STN1: variants seen among roughly 807,000 people sequenced by gnomAD.
The protein encoded by STN1 is CST complex subunit STN1.
Under a neutral mutation model 45.5 loss-of-function variants are expected in STN1, and 29 were observed. The ratio of observed to expected loss-of-function variants is 0.64; its 90% CI spans 0.47 to 0.87. The LOEUF (loss-of-function observed/expected upper bound fraction) is 0.87, where lower values mean the gene tolerates loss of function less well. Among genes scored for constraint, STN1 ranks in the 40% least tolerant of loss-of-function variants. The pLI, the probability that STN1 is intolerant of heterozygous loss-of-function variation, is 0.00. For missense variants in STN1, 376 were observed against 441.4 expected (o/e 0.85, Z 1.33); for synonymous variants, 148 against 159.0 (o/e 0.93, Z 0.52).
chr10:103,909,458 A>ATATGTG lies in STN1; in HGVS notation c.229+1068_229+1069insCACATA, dbSNP rs1220151249. On this transcript the variant is annotated intron_variant, in intron 3 of 9. Coordinates refer to ENST00000224950, the MANE Select transcript of STN1 (RefSeq NM_024928.5). ...TGTATATATATGTATATATGTATATATGTATATATATGTATATATGTATAT... is the reference window on the plus strand; with the variant it reads ...TGTATATATATGTATATATGTATATATATGTGTGTATATATATGTATATATGTATAT... 6.2e-4 allele frequency among the ~76,000 whole-genome samples: 66 copies of ATATGTG among 106,986 alleles called. 4 individuals are homozygous for ATATGTG. The highest frequency in any genetic ancestry group is 9.0e-4 in the Admixed American group (8 of 8,876). The allele number at this position is 106,986 out of a possible 152,430, so 70.2% of individuals were successfully genotyped here. A position where few individuals can be genotyped will look rare whatever the true frequency, so the allele number is the denominator to read the frequency against.
intron 2 of STN1, among the ~76,000 whole-genome samples, chr10:103,914,365 TATA>T (rs1310325556): frequency 0.041 from 619 of 15,270 alleles, 26 homozygotes; most frequent in African/African-American, 0.097. Context: ...TATATATATA[TATA>T]TATATATTTT....
intron 2 of STN1, among the ~76,000 whole-genome samples, chr10:103,915,355 T>C (rs1843324358): frequency 6.6e-6 from 1 of 152,138 alleles, no homozygotes; most frequent in African/African-American, 2.4e-5. Context: ...AATTGAACAG[T>C]TGGTCTTTTA....
chr10:103,886,789 T>G (rs556557685), intron 9 of STN1, among the ~76,000 whole-genome samples: 1 of 152,260 alleles, frequency 6.6e-6, no homozygotes, highest in South Asian at 2.1e-4. Flanking sequence ...ACCCATCTTG[T>G]AGGTACTATT....
At chr10:103,894,680 T>C (rs1257285600) in intron 7 of STN1, among the ~76,000 whole-genome samples, 1 of 148,502 alleles carries the variant, frequency 6.7e-6, no homozygotes, top group Non-Finnish European at 1.5e-5. Context: ...GAAACCGAAA[T>C]TGCTCACAGG....
In STN1 at chr10:103,910,586, A is replaced by G; in HGVS notation, c.170T>C (p.Val57Ala). The G allele has an allele frequency of 6.2e-7, 1 of 1,610,916 alleles. No homozygotes were observed. Among genetic ancestry groups the G allele is most frequent in the Non-Finnish European group, 8.5e-7 (1 of 1,177,486 alleles). ...TCCAATGACAGTTCCCAAGACATCTACCTGTTTTATTGGATGTCCATTGTA... is the reference window on the plus strand; with the variant it reads ...TCCAATGACAGTTCCCAAGACATCTGCCTGTTTTATTGGATGTCCATTGTA... The part of the protein sequence containing the change: ...FLYNGHPIKQ[V>A]DVLGTVIGVR... The change falls in exon 3 of 10, where the codon GTA (valine) becomes GCA (alanine). Residue 57 changes from valine (V) to alanine (A), a missense_variant. Physicochemically the swap from Val to Ala is moderately conservative, Grantham distance 64 (BLOSUM62 0). Transcript: ENST00000224950.
intron 7 of STN1, among the ~76,000 whole-genome samples, chr10:103,896,372 T>C (rs980355249): frequency 1.3e-5 from 2 of 151,964 alleles, no homozygotes; most frequent in African/African-American, 4.8e-5. Context: ...AGGGGCCACG[T>C]GGCAATCAGA....
At chr10:103,914,632 C>G (rs1306852573) in intron 2 of STN1, among the ~76,000 whole-genome samples, 2 of 151,388 alleles carry the variant, frequency 1.3e-5, no homozygotes, top group Non-Finnish European at 2.9e-5. Context: ...GGATTACAGG[C>G]ATGAGCCACT....
At chr10:103,899,065 C>T (rs1214411691) in intron 5 of STN1, 65 bp from the exon 6 acceptor site, 2 of 1,563,024 alleles carry the variant, frequency 1.3e-6, no homozygotes, top group African/African-American at 2.7e-5. Flanking sequence ...AATTCTTTCC[C>T]AGGCCCAAAC....
At chr10:103,889,023 T>C (rs1843121042) in intron 9 of STN1, 49 bp downstream of exon 9, 1 of 1,304,436 alleles carries the variant, frequency 7.7e-7, no homozygotes, top group Non-Finnish European at 1.1e-6. Flanking sequence ...CGGGAGACAG[T>C]ATCCCCTTCC....
At chr10:103,898,845 C>G (rs1564633277) in intron 6 of STN1, 32 bp downstream of exon 6, 3 of 1,611,814 alleles carry the variant, frequency 1.9e-6, no homozygotes, top group Admixed American at 1.7e-5. Context: ...CTGCCGTGGT[C>G]ACGTGCTCAG....
chr10:103,882,999 A>G (rs540818055), intron 9 of STN1, among the ~76,000 whole-genome samples, 158 bp from the exon 10 acceptor site: 2 of 152,358 alleles, frequency 1.3e-5, no homozygotes, highest in Non-Finnish European at 2.9e-5. Context: ...TCACAAAAAC[A>G]AAACAGAAAC....
At chr10:103,908,480 G>T (rs919400883) in intron 3 of STN1, among the ~76,000 whole-genome samples, 2 of 152,204 alleles carry the variant, frequency 1.3e-5, no homozygotes, top group African/African-American at 4.8e-5. Flanking sequence ...ACAGGCCTGC[G>T]GTGAGTCAGG....
chr10:103,917,946 A>C (rs1843345845), intron 1 of STN1, among the ~76,000 whole-genome samples, 154 bp downstream of exon 1: 1 of 152,238 alleles, frequency 6.6e-6, no homozygotes, highest in Non-Finnish European at 1.5e-5. Context: ...GCGTAGCAGA[A>C]ACCGCTTGGG....
intron 4 of STN1, among the ~76,000 whole-genome samples, 170 bp downstream of exon 4, chr10:103,904,921 G>C (rs1427229617): frequency 1.3e-5 from 2 of 152,208 alleles, no homozygotes; most frequent in African/African-American, 4.8e-5. Flanking sequence ...CTCTCCTATG[G>C]CATCAGTTTT....
chr10:103,882,835 T>A lies in STN1; in HGVS notation c.956A>T (p.Glu319Val), dbSNP rs1843079454. 1 of 1,611,008 alleles carries A rather than the reference T, an allele frequency of 6.2e-7. No homozygotes were observed. The highest frequency in any genetic ancestry group is 8.5e-7 in the Non-Finnish European group (1 of 1,177,992). Residue 319 changes from glutamate to valine, a missense_variant, in exon 10 of 10, where the codon GAG becomes GTG. Coordinates refer to ENST00000224950, the MANE Select transcript of STN1 (RefSeq NM_024928.5). ...GATGTGCAGGAAGTGACAGCCCTTC[T>A]CCATGTCTGCAGGAAAAAGGTAGGT... ...QQDCQKPNHM[E>V]KGCHFLHILA... is the part of the protein sequence containing the mutation.
intron 2 of STN1, among the ~76,000 whole-genome samples, chr10:103,917,168 C>A (rs566654809): frequency 7.2e-6 from 1 of 139,646 alleles, no homozygotes; most frequent in Non-Finnish European, 1.5e-5. Flanking sequence ...GGAGCAGGGC[C>A]AAAGAAAAAC....
chr10:103,889,956 T>G (rs540891611), intron 8 of STN1, among the ~76,000 whole-genome samples: 1 of 152,168 alleles, frequency 6.6e-6, no homozygotes, highest in East Asian at 1.9e-4. Flanking sequence ...CCACCCGACT[T>G]GGCCTCCCAA....
At chr10:103,889,904 A>T (rs1477665039) in intron 8 of STN1, among the ~76,000 whole-genome samples, 1 of 152,024 alleles carries the variant, frequency 6.6e-6, no homozygotes, top group Admixed American at 6.6e-5. Context: ...GGGTTTCACC[A>T]TGTTGACCAG....
At chr10:103,899,189 G>A (rs895254408) in intron 5 of STN1, among the ~76,000 whole-genome samples, 189 bp from the exon 6 acceptor site, 6 of 152,330 alleles carry the variant, frequency 3.9e-5, no homozygotes, top group East Asian at 3.9e-4. Context: ...ATGAGGGAAT[G>A]CGATGCCCTA....
Sources: gnomAD v4.1 joint callset for allele counts (sites outside exome capture counted in the v4.1 genomes callset) on GRCh38, gnomAD v4.1.1 for gene constraint, MANE v1.5 for transcripts, NCBI Gene and HGNC (gene_info 2026-07-23, HGNC 2026-07-21) for gene names.